DLGAP2: variants seen among roughly 807,000 people sequenced by gnomAD.
The protein encoded by DLGAP2 is disks large-associated protein 2.
A neutral mutation model predicts 100.3 loss-of-function variants in DLGAP2; 26 were observed. That is an observed-to-expected ratio of 0.26 (90% confidence interval 0.19 to 0.36). DLGAP2 has a LOEUF of 0.36. Among genes scored for constraint, DLGAP2 ranks in the 10% least tolerant of loss-of-function variants. The probability of loss-of-function intolerance (pLI) is 1.00; values close to 1 mark genes in which losing one functional copy is unlikely to be tolerated. For missense variants in DLGAP2, 1,858 were observed against 1,453.2 expected (o/e 1.28, Z -4.53); for synonymous variants, 886 against 630.1 (o/e 1.41, Z -6.08).
At chr8:1,625,283 A>C (rs1160072794) in intron 6 of DLGAP2, among the ~76,000 whole-genome samples, 4 of 152,234 alleles carry the variant, frequency 2.6e-5, no homozygotes, top group African/African-American at 7.2e-5. Context: ...AGCTTTTGAT[A>C]AAATAAAATG....
chr8:1,477,988 C>A (rs957660612), intron 3 of DLGAP2, among the ~76,000 whole-genome samples: 2 of 152,128 alleles, frequency 1.3e-5, no homozygotes, highest in African/African-American at 2.4e-5. Context: ...TTTAGCGCTG[C>A]CTGTCACTCT....
chr8:1,550,146 C>T (rs962084855), intron 5 of DLGAP2, among the ~76,000 whole-genome samples: 3 of 152,230 alleles, frequency 2.0e-5, no homozygotes, highest in African/African-American at 7.2e-5. Context: ...CGGGCTCATC[C>T]TGCTTTGCAG....
intron 3 of DLGAP2, among the ~76,000 whole-genome samples, chr8:1,467,554 T>C (rs184176124): frequency 6.6e-6 from 1 of 151,916 alleles, no homozygotes; most frequent in Non-Finnish European, 1.5e-5. Flanking sequence ...GTTTGCTGAG[T>C]GGATGGGAGA....
chr8:1,068,908 A>G (rs1803341205), intron 2 of DLGAP2, among the ~76,000 whole-genome samples: 1 of 152,048 alleles, frequency 6.6e-6, no homozygotes, highest in Non-Finnish European at 1.5e-5. Context: ...GAATCTGTGA[A>G]CCTGGGCAGC....
chr8:940,496 G>GT (rs1420179475), intron 2 of DLGAP2, among the ~76,000 whole-genome samples: 2 of 152,170 alleles, frequency 1.3e-5, no homozygotes, highest in Non-Finnish European at 2.9e-5. Flanking sequence ...GACATCGTCT[G>GT]TGAGTGTATT....
chr8:1,175,567 G>A (rs539615106), intron 2 of DLGAP2, among the ~76,000 whole-genome samples: 5 of 152,286 alleles, frequency 3.3e-5, no homozygotes, highest in South Asian at 2.1e-4. Context: ...CTCTATATGC[G>A]ACTCCATTAG....
At chr8:1,437,770 C>G (rs113703926) in intron 3 of DLGAP2, among the ~76,000 whole-genome samples, 1 of 139,466 alleles carries the variant, frequency 7.2e-6, no homozygotes, top group Non-Finnish European at 1.5e-5. Flanking sequence ...GAGTTCGAGA[C>G]TAGCCTGACC....
intron 2 of DLGAP2, among the ~76,000 whole-genome samples, chr8:1,059,354 G>A (rs903328842): frequency 6.6e-6 from 1 of 152,128 alleles, no homozygotes; most frequent in South Asian, 2.1e-4. Flanking sequence ...GGCATGAGGG[G>A]TGGCATATTC....
intron 8 of DLGAP2, among the ~76,000 whole-genome samples, chr8:1,641,430 G>A (rs146665659): frequency 5.9e-5 from 9 of 152,298 alleles, no homozygotes; most frequent in African/African-American, 1.2e-4. Flanking sequence ...CAACATGAAT[G>A]CTGGGATGAT....
At chr8:1,517,793 G>A (rs1800444817) in intron 4 of DLGAP2, among the ~76,000 whole-genome samples, 2 of 152,182 alleles carry the variant, frequency 1.3e-5, no homozygotes, top group Admixed American at 1.3e-4. Flanking sequence ...GTTGGATTAG[G>A]GATCACAAAT....
At chr8:976,788 C>T (rs143676184) in intron 2 of DLGAP2, among the ~76,000 whole-genome samples, 1 of 152,046 alleles carries the variant, frequency 6.6e-6, no homozygotes, top group Non-Finnish European at 1.5e-5. Context: ...AAAAACATAA[C>T]TGAAAATAGA....
chr8:1,151,424 G>A (rs903996991), intron 2 of DLGAP2, among the ~76,000 whole-genome samples: 1 of 152,210 alleles, frequency 6.6e-6, no homozygotes, highest in Non-Finnish European at 1.5e-5. Context: ...CTGTACAGAG[G>A]AAAAGGACCT....
chr8:1,194,442 G>A (rs1294237291), intron 2 of DLGAP2, among the ~76,000 whole-genome samples: 1 of 152,148 alleles, frequency 6.6e-6, no homozygotes, highest in African/African-American at 2.4e-5. Flanking sequence ...GCCCAGGGCG[G>A]CCTCCAGGTG....
chr8:1,220,701 G>A (rs1192990081), intron 2 of DLGAP2, among the ~76,000 whole-genome samples: 1 of 152,184 alleles, frequency 6.6e-6, no homozygotes, highest in African/African-American at 2.4e-5. Context: ...TCAGTGAGAT[G>A]TTAAAATCTC....
intron 2 of DLGAP2, among the ~76,000 whole-genome samples, chr8:1,026,639 G>A (rs1801808386): frequency 6.6e-6 from 1 of 152,218 alleles, no homozygotes; most frequent in Non-Finnish European, 1.5e-5. Flanking sequence ...TAGATGACAA[G>A]AAGTTATATT....
At chr8:1,267,628 A>AAAC (rs1799492288) in intron 3 of DLGAP2, among the ~76,000 whole-genome samples, 1 of 20,898 alleles carries the variant, frequency 4.8e-5, no homozygotes, top group Non-Finnish European at 1.2e-4. Context: ...TAAGATAAAT[A>AAAC]TTAAATAGGT....
chr8:1,654,652 AC>A (rs1349632966), intron 8 of DLGAP2, among the ~76,000 whole-genome samples: 1 of 134,444 alleles, frequency 7.4e-6, no homozygotes, highest in African/African-American at 2.7e-5. Flanking sequence ...CAAGAGTGAA[AC>A]TCCGTCTCAA....
chr8:1,537,728 TGGAAGGAAGGAAGGAAGGAAGGAAGGAA>T (rs10523091), intron 4 of DLGAP2, among the ~76,000 whole-genome samples: 7 of 136,564 alleles, frequency 5.1e-5, no homozygotes, highest in South Asian at 2.5e-4. Flanking sequence ...GATGAAAGGA[TGGAAGGAAGGAAGGAAGGAAGGAAGGAA>T]GGAAGGAAGG....
chr8:798,010 A>G (rs1796069390), intron 1 of DLGAP2, among the ~76,000 whole-genome samples: 1 of 152,096 alleles, frequency 6.6e-6, no homozygotes, highest in Admixed American at 6.5e-5. Context: ...TCGGCCTCCC[A>G]AAGTGCTGGG....
Sources: gnomAD v4.1 joint callset for allele counts (sites outside exome capture counted in the v4.1 genomes callset) on GRCh38, gnomAD v4.1.1 for gene constraint, MANE v1.5 for transcripts, NCBI Gene and HGNC (gene_info 2026-07-23, HGNC 2026-07-21) for gene names.